The following ASAP1 variants were observed in gnomAD, a reference collection of about 807,000 sequenced individuals.
ASAP1 encodes the protein ArfGAP with SH3 domain, ankyrin repeat and PH domain 1, also known as arf-GAP with SH3 domain, ANK repeat and PH domain-containing protein 1.
In ASAP1, 43 loss-of-function variants were observed where a neutral mutation model predicts 145.2. The ratio of observed to expected loss-of-function variants is 0.30; its 90% CI spans 0.23 to 0.38. The LOEUF is 0.38. ASAP1 is among the 10% of genes least tolerant of loss of function. The pLI, the probability that ASAP1 is intolerant of heterozygous loss-of-function variation, is 1.00. For synonymous variants in ASAP1, 546 were observed against 515.5 expected (o/e 1.06, Z -0.80); for missense variants, 1,018 against 1,355.3 (o/e 0.75, Z 3.91).
chr8:130,102,549 G>A (rs2097530470), intron 24 of ASAP1, among the ~76,000 whole-genome samples: 2 of 152,164 alleles, frequency 1.3e-5, no homozygotes, highest in Non-Finnish European at 2.9e-5. Flanking sequence ...ATATTGGCTG[G>A]TAGTTTTCTT....
intron 2 of ASAP1, among the ~76,000 whole-genome samples, chr8:130,382,141 C>T (rs990044366): frequency 5.3e-5 from 8 of 151,866 alleles, no homozygotes; most frequent in South Asian, 2.1e-4. Flanking sequence ...AAAAAATTAG[C>T]TGGGCGTGGT....
At chr8:130,083,524 T>C (rs917602735) in intron 25 of ASAP1, 76 of 152,160 alleles carry the variant, frequency 5.0e-4, no homozygotes, top group African/African-American at 1.8e-3. Flanking sequence ...GGGTATGAGT[T>C]TGGGTGACTT....
At chr8:130,246,708 AAACT>A (rs1818876347) in intron 3 of ASAP1, among the ~76,000 whole-genome samples, 1 of 152,194 alleles carries the variant, frequency 6.6e-6, no homozygotes, top group Non-Finnish European at 1.5e-5. Flanking sequence ...GTGTGAAAAC[AAACT>A]AATACAACCC....
At chr8:130,401,365 C>T (rs1828788802) in intron 2 of ASAP1, among the ~76,000 whole-genome samples, 1 of 152,102 alleles carries the variant, frequency 6.6e-6, no homozygotes, top group Admixed American at 6.5e-5. Context: ...ACTGCCTCAA[C>T]CTCCCGAGTA....
chr8:130,312,306 A>G (rs1006393900), intron 3 of ASAP1, among the ~76,000 whole-genome samples: 14 of 151,716 alleles, frequency 9.2e-5, no homozygotes, highest in Admixed American at 2.0e-4. Context: ...TACCATGCCT[A>G]AAAGAGCTGG....
intron 3 of ASAP1, among the ~76,000 whole-genome samples, chr8:130,268,490 AAC>A (rs113714700): frequency 0.042 from 5,650 of 133,068 alleles, 198 homozygotes; most frequent in African/African-American, 0.1. Context: ...CCCGTCTTAA[AAC>A]ACACACACAC....
chr8:130,167,508 C>G, intron 11 of ASAP1, 28 bp downstream of exon 11: 1 of 1,572,832 alleles, frequency 6.4e-7, no homozygotes, highest in Non-Finnish European at 8.8e-7. Flanking sequence ...ACACTGTTAG[C>G]CCTGTTGTAA....
At chr8:130,118,057 C>T (rs1420948021) in intron 20 of ASAP1, 104 bp downstream of exon 20, 2 of 912,748 alleles carry the variant, frequency 2.2e-6, no homozygotes, top group Non-Finnish European at 3.3e-6. Flanking sequence ...TAGCATGACA[C>T]AGAAAAAGCT....
chr8:130,216,833 C>T (rs549148753), intron 4 of ASAP1, among the ~76,000 whole-genome samples: 1 of 152,252 alleles, frequency 6.6e-6, no homozygotes, highest in South Asian at 2.1e-4. Context: ...GATCTTCTTC[C>T]CATTCTTTTT....
At chr8:130,206,040 A>C (rs533619077) in intron 5 of ASAP1, among the ~76,000 whole-genome samples, 145 of 152,030 alleles carry the variant, frequency 9.5e-4, no homozygotes, top group African/African-American at 3.2e-3. Context: ...ATATATCTCA[A>C]ATTTTTATAA....
At chr8:130,149,757 C>T (rs2097641734) in intron 13 of ASAP1, among the ~76,000 whole-genome samples, 2 of 152,094 alleles carry the variant, frequency 1.3e-5, no homozygotes, top group Non-Finnish European at 1.5e-5. Context: ...TAATTCTAAT[C>T]AATGGTGTTT....
chr8:130,079,601 A>C (rs1414712025), intron 26 of ASAP1, among the ~76,000 whole-genome samples: 1 of 152,206 alleles, frequency 6.6e-6, no homozygotes, highest in African/African-American at 2.4e-5. Context: ...TCATTCTGAC[A>C]GGAATTTTGT....
At chr8:130,270,462 A>C (rs1820520055) in intron 3 of ASAP1, among the ~76,000 whole-genome samples, 1 of 152,242 alleles carries the variant, frequency 6.6e-6, no homozygotes, top group African/African-American at 2.4e-5. Flanking sequence ...TAAAGAAATA[A>C]CTTCCCTCAT....
chr8:130,205,629 G>A (rs1455635212), intron 5 of ASAP1, among the ~76,000 whole-genome samples: 1 of 120,882 alleles, frequency 8.3e-6, no homozygotes, highest in Non-Finnish European at 1.6e-5. Context: ...TCACTTAATA[G>A]CAAAACCTGT....
At chr8:130,414,759 CTTTTTTTT>C (rs548202897) in intron 1 of ASAP1, among the ~76,000 whole-genome samples, 2 of 140,406 alleles carry the variant, frequency 1.4e-5, no homozygotes, top group Admixed American at 7.1e-5. Flanking sequence ...TTCTATAACT[CTTTTTTTT>C]TTTTTTTTGA....
chr8:130,426,057 T>C (rs1480036505), intron 1 of ASAP1, among the ~76,000 whole-genome samples: 1 of 152,200 alleles, frequency 6.6e-6, no homozygotes, highest in Admixed American at 6.5e-5. Context: ...AGAACTGTAA[T>C]TCCCAGTGTC....
intron 12 of ASAP1, among the ~76,000 whole-genome samples, chr8:130,157,716 G>A (rs2097660741): frequency 1.3e-5 from 2 of 152,092 alleles, no homozygotes; most frequent in African/African-American, 4.8e-5. Context: ...TGAGATGCAT[G>A]CTCCTGACTA....
At chr8:130,126,478 C>T (rs2097575158) in intron 16 of ASAP1, among the ~76,000 whole-genome samples, 1 of 152,132 alleles carries the variant, frequency 6.6e-6, no homozygotes, top group Admixed American at 6.5e-5. Context: ...TTGCAACTAA[C>T]ATTAACCTCA....
chr8:130,159,549 G>GAAAAAAAAAA (rs869060434), intron 12 of ASAP1, among the ~76,000 whole-genome samples: 1 of 84,164 alleles, frequency 1.2e-5, no homozygotes. Flanking sequence ...GTGAACTCAG[G>GAAAAAAAAAA]AAAAAAAAAA....
Sources: gnomAD v4.1 joint callset for allele counts (sites outside exome capture counted in the v4.1 genomes callset) on GRCh38, gnomAD v4.1.1 for gene constraint, MANE v1.5 for transcripts, NCBI Gene and HGNC (gene_info 2026-07-23, HGNC 2026-07-21) for gene names.